Variants in ETV5 observed in about 807,000 individuals in gnomAD.
The protein encoded by ETV5 is ETS variant transcription factor 5, also known as ETS translocation variant 5.
In ETV5, 10 loss-of-function variants were observed where a neutral mutation model predicts 70.0. That is an observed-to-expected ratio of 0.14 (90% CI 0.09 to 0.24). ETV5 has a LOEUF of 0.24. ETV5 is among the 10% of genes least tolerant of loss of function. The probability of loss-of-function intolerance (pLI) is 1.00; values close to 1 mark genes in which losing one functional copy is unlikely to be tolerated. For synonymous variants in ETV5, 216 were observed against 242.2 expected, an observed-to-expected ratio of 0.89 and a Z score of 1.01; for missense variants, 453 against 651.2, an observed-to-expected ratio of 0.70 and a Z score of 3.31.
At chr3:186,077,312 C>T (rs187456882) in intron 7 of ETV5, among the ~76,000 whole-genome samples, 1 of 152,250 alleles carries the variant, frequency 6.6e-6, no homozygotes, top group East Asian at 1.9e-4. Context: ...AGTAATCTGC[C>T]CCACTTTTGG....
intron 5 of ETV5, among the ~76,000 whole-genome samples, chr3:186,090,770 T>G (rs571449041): frequency 7.9e-5 from 12 of 152,296 alleles, no homozygotes; most frequent in African/African-American, 2.6e-4. Context: ...CATAAGCAGC[T>G]TGGGTTAGCC....
intron 7 of ETV5, among the ~76,000 whole-genome samples, chr3:186,071,189 T>G (rs1172763867): frequency 1.3e-5 from 2 of 151,208 alleles, no homozygotes; most frequent in Non-Finnish European, 2.9e-5. Flanking sequence ...GTAAACACAA[T>G]GCTCACAGGA....
chr3:186,092,863 T>C (rs1714214823), intron 5 of ETV5, among the ~76,000 whole-genome samples: 1 of 152,164 alleles, frequency 6.6e-6, no homozygotes, highest in Non-Finnish European at 1.5e-5. Context: ...TGCTATGCAC[T>C]CGAGCTGACG....
In ETV5 at chr3:186,052,163, A is replaced by C. The variant is rs1713047850; in HGVS notation, c.1210-32T>G. ...AGACAGGAAAGTGAAGAGCAATGGA[A>C]ACGCATTCCCTGGGCCCCATGTTCT... is the stretch of plus-strand genomic sequence containing the variant. On this transcript the variant is annotated intron_variant, in intron 11 of 12. Transcript: ENST00000306376. The surrounding 1 kb of genome is among the most constrained non-coding windows in gnomAD (Gnocchi z 4.5). 6.2e-7 allele frequency: 1 copy of C among 1,601,778 alleles called. No individual in the cohort carries two copies. The highest frequency in any genetic ancestry group is 1.3e-5 in the African/African-American group (1 of 74,762).
At chr3:186,076,621 T>C (rs1713796983) in intron 7 of ETV5, 1 of 185,310 alleles carries the variant, frequency 5.4e-6, no homozygotes, top group Admixed American at 6.2e-5. Flanking sequence ...GATTACATTT[T>C]AGCTATTTAC....
chr3:186,087,826 C>T (rs570652374), intron 5 of ETV5, among the ~76,000 whole-genome samples: 1 of 151,988 alleles, frequency 6.6e-6, no homozygotes, highest in Non-Finnish European at 1.5e-5. Flanking sequence ...AGCAACAGTT[C>T]CATTCAAAAG....
intron 5 of ETV5, among the ~76,000 whole-genome samples, chr3:186,099,359 C>G (rs1204305380): frequency 6.6e-6 from 1 of 152,178 alleles, no homozygotes; most frequent in Non-Finnish European, 1.5e-5. Context: ...AAAAAGCAAC[C>G]TAATCCGGTA....
intron 8 of ETV5, 48 bp from the exon 9 acceptor site, chr3:186,064,524 G>C (rs764645393): frequency 6.4e-7 from 1 of 1,568,336 alleles, no homozygotes; most frequent in African/African-American, 1.3e-5. Flanking sequence ...AGTTTCTGCA[G>C]CAGAAACAGC....
intron 8 of ETV5, 93 bp from the exon 9 acceptor site, chr3:186,064,569 T>C: frequency 1.6e-6 from 2 of 1,242,916 alleles, no homozygotes; most frequent in South Asian, 2.4e-5. Context: ...GTAAAGCCCC[T>C]AAACTTCCTG....
At chr3:186,101,300 G>C (rs1714452025) in intron 5 of ETV5, among the ~76,000 whole-genome samples, 1 of 152,132 alleles carries the variant, frequency 6.6e-6, no homozygotes. Flanking sequence ...TCGTTTTTTA[G>C]AGATAGGGTC....
At chr3:186,092,911 ACTGG>A (rs1714216504) in intron 5 of ETV5, among the ~76,000 whole-genome samples, 1 of 152,200 alleles carries the variant, frequency 6.6e-6, no homozygotes, top group Admixed American at 6.5e-5. Context: ...CATATCATGT[ACTGG>A]GCTTGTAGAA....
intron 1 of ETV5, chr3:186,107,006 A>G (rs1157902978): frequency 1.0e-6 from 1 of 956,590 alleles, no homozygotes; most frequent in Non-Finnish European, 1.2e-6. Flanking sequence ...CATATACACA[A>G]TTTTAAACAG....
intron 5 of ETV5, among the ~76,000 whole-genome samples, chr3:186,098,177 A>C (rs1714357620): frequency 6.6e-6 from 1 of 152,258 alleles, no homozygotes; most frequent in South Asian, 2.1e-4. Context: ...GCTAGAAGTA[A>C]GGTCAGAAAG....
intron 9 of ETV5, among the ~76,000 whole-genome samples, chr3:186,061,563 C>A (rs1216638548): frequency 6.6e-6 from 1 of 152,196 alleles, no homozygotes; most frequent in Non-Finnish European, 1.5e-5. Flanking sequence ...TGCTTTAAAT[C>A]TTCAGGGAGA....
chr3:186,048,953 G>C, intron 12 of ETV5, 93 bp from the exon 13 acceptor site: 1 of 1,035,812 alleles, frequency 9.7e-7, no homozygotes, highest in Non-Finnish European at 1.4e-6. Flanking sequence ...CAAAGCCAGG[G>C]ACCAAAGGAG....
At position 186,057,273 on chromosome 3, in the gene ETV5, T is replaced by C. The variant is rs752058281; in HGVS notation, c.1040-29A>G. On this transcript the variant is annotated intron_variant, in intron 10 of 12. Transcript: ENST00000306376. This position sits in a 1 kb window ranked among gnomAD's most constrained non-coding sequence, Gnocchi z 4.9. ...TTTGGGACAAGGACACATCACACAA[T>C]AGCTTAGTCCTAAGTTTCTCAGGTG... The C allele has an allele frequency of 1.2e-6, 2 of 1,613,542 alleles. No individual in the cohort carries two copies. The highest frequency in any genetic ancestry group is 1.7e-6 in the Non-Finnish European group (2 of 1,179,582).
chr3:186,106,902 A>G, intron 1 of ETV5: 1 of 973,994 alleles, frequency 1.0e-6, no homozygotes, highest in Non-Finnish European at 1.2e-6. Flanking sequence ...AAATAAAAAC[A>G]CCGTTAAGTC....
rs1000230910 is a variant in ETV5, at chr3:186,080,969, G to A, written c.362+77C>T. ...AGGGTCTGCTGGGTAAGTAACACTG[G>A]GAAGGAACATTCAGCTTGATGGCTA... On this transcript the variant is annotated intron_variant, in intron 6 of 12. Transcript: ENST00000306376. 14 of 1,508,032 alleles carry A rather than the reference G, an allele frequency of 9.3e-6. No individual in the cohort carries two copies. In the South Asian group the frequency reaches 1.7e-4, roughly 18 times the overall value. The allele number at this position is 1,508,032 out of a possible 1,614,324, so 93.4% of individuals were successfully genotyped here. A position where few individuals can be genotyped will look rare whatever the true frequency, so the allele number is the denominator to read the frequency against.
Position 186,048,830 on chromosome 3 carries a change from C to T in ETV5, c.1342G>A (p.Val448Ile). Residue 448 changes from valine (V) to isoleucine (I), a missense_variant, in exon 13 of 13, where the codon GTC becomes ATC. Physicochemically the swap from Val to Ile is conservative, Grantham distance 29. Transcript: ENST00000306376. Reference protein sequence around the residue: ...VAGERYVYKFVCDPDALFSMA... With the variant: ...VAGERYVYKFICDPDALFSMA... ...GAGAAGAGGGCATCTGGGTCACAGA[C>T]AAATTTGTAGACGTATCGCTCTCCA... The T allele has an allele frequency of 6.2e-7, 1 of 1,614,060 alleles. No individual in the cohort carries two copies. Among genetic ancestry groups the T allele is most frequent in the Non-Finnish European group, 8.5e-7 (1 of 1,180,018 alleles).
Sources: allele counts gnomAD v4.1 joint callset (sites outside exome capture counted in the v4.1 genomes callset), GRCh38; gene constraint gnomAD v4.1.1; non-coding constraint Gnocchi (gnomAD v3.1); transcripts MANE v1.5; gene names NCBI Gene and HGNC (gene_info 2026-07-23, HGNC 2026-07-21).